GPD2: variants seen among roughly 807,000 people sequenced by gnomAD.
GPD2 encodes glycerol-3-phosphate dehydrogenase, mitochondrial.
In GPD2, 54 loss-of-function variants were observed where a neutral mutation model predicts 82.4. The observed-to-expected ratio is 0.66, with a 90% CI of 0.53 to 0.82. The LOEUF (loss-of-function observed/expected upper bound fraction) is 0.82, where lower values mean the gene tolerates loss of function less well. Ranked by LOEUF, GPD2 falls within the 40% of genes least tolerant of loss-of-function variation. The pLI, the probability that GPD2 is intolerant of heterozygous loss-of-function variation, is 0.00. For missense variants in GPD2, 748 were observed against 896.2 expected, an observed-to-expected ratio of 0.83 and a Z score of 2.11; for synonymous variants, 288 against 306.1, an observed-to-expected ratio of 0.94 and a Z score of 0.62.
At chr2:156,409,475 C>T in the GPD2 span, among the ~76,000 whole-genome samples, 3 of 152,070 alleles carry the variant, frequency 2.0e-5, no homozygotes, top group Non-Finnish European at 4.4e-5. Context: ...GTGGGAGGAT[C>T]TTTCAGGGCC....
chr2:156,526,668 C>T (rs1685621095), intron 6 of GPD2, among the ~76,000 whole-genome samples: 1 of 151,874 alleles, frequency 6.6e-6, no homozygotes, highest in Admixed American at 6.6e-5. Flanking sequence ...GAACACATGC[C>T]CAAGAAATGT....
chr2:156,569,578 T>A, intron 11 of GPD2, 40 bp downstream of exon 11: 1 of 1,463,024 alleles, frequency 6.8e-7, no homozygotes, highest in Non-Finnish European at 9.6e-7. Context: ...CTTTACCTAA[T>A]CTCTCACTGC....
chr2:156,551,848 A>G (rs1295219916), intron 8 of GPD2, among the ~76,000 whole-genome samples: 2 of 152,200 alleles, frequency 1.3e-5, no homozygotes, highest in Non-Finnish European at 2.9e-5. Context: ...AATATGTTAA[A>G]TGTGAATGGT....
At chr2:156,420,905 T>C in the GPD2 span, among the ~76,000 whole-genome samples, 1 of 152,186 alleles carries the variant, frequency 6.6e-6, no homozygotes, top group African/African-American at 2.4e-5. Flanking sequence ...GAAGCCCAAA[T>C]AATGCTCCAA....
intron 16 of GPD2, 148 bp downstream of exon 16, chr2:156,579,936 A>G (rs1057278611): frequency 4.3e-6 from 3 of 690,228 alleles, no homozygotes; most frequent in Non-Finnish European, 5.4e-6. Context: ...GCAGAGGTTG[A>G]TATGTCTGCC....
chr2:156,415,981 A>C, the GPD2 span, among the ~76,000 whole-genome samples: 1 of 98,372 alleles, frequency 1.0e-5, no homozygotes, highest in Non-Finnish European at 2.6e-5. Context: ...AGATCCCGCC[A>C]CTGCACTCCA....
chr2:156,538,845 G>T (rs941948849), intron 6 of GPD2, among the ~76,000 whole-genome samples: 1 of 148,828 alleles, frequency 6.7e-6, no homozygotes, highest in Non-Finnish European at 1.5e-5. Context: ...AAAAGATCAG[G>T]ATTTTGCCTA....
rs1330252776 is a variant in GPD2, at chr2:156,564,619, G to A, written c.1166-4206G>A. Reference sequence around the variant, plus strand: ...TCTTAATACTTCAGTGGCAAATAGAGTTTTGAATCATCCATAAAAACCATT... The same window carrying A: ...TCTTAATACTTCAGTGGCAAATAGAATTTTGAATCATCCATAAAAACCATT... On this transcript the variant is annotated intron_variant, in intron 9 of 16. Coordinates refer to ENST00000438166, the MANE Select transcript of GPD2 (RefSeq NM_000408.5). Among the ~76,000 whole-genome samples the A allele has an allele frequency of 5.3e-5, 8 of 152,046 alleles. No individual in the cohort carries two copies. The South Asian group carries it at 1.7e-3, about 31-fold the overall frequency.
intron 6 of GPD2, among the ~76,000 whole-genome samples, chr2:156,545,953 T>C (rs1263014906): frequency 6.6e-6 from 1 of 152,240 alleles, no homozygotes; most frequent in East Asian, 1.9e-4. Context: ...TATTCTGCTC[T>C]GTGCAAGGTC....
At chr2:156,578,408 A>G (rs1473781162) in intron 13 of GPD2, among the ~76,000 whole-genome samples, 2 of 151,796 alleles carry the variant, frequency 1.3e-5, no homozygotes, top group East Asian at 3.9e-4. Flanking sequence ...CAAGAATTTG[A>G]TCCTGTAGAT....
intron 3 of GPD2, among the ~76,000 whole-genome samples, chr2:156,496,606 A>G (rs1684388261): frequency 6.6e-6 from 1 of 152,178 alleles, no homozygotes; most frequent in Non-Finnish European, 1.5e-5. Context: ...AAATATAGGC[A>G]CTGCACAACT....
At chr2:156,490,828 C>T (rs1684147583) in intron 2 of GPD2, among the ~76,000 whole-genome samples, 1 of 152,096 alleles carries the variant, frequency 6.6e-6, no homozygotes. Context: ...AAAAGCAAAA[C>T]CCTTAAAATA....
intron 1 of GPD2, among the ~76,000 whole-genome samples, chr2:156,468,693 T>G (rs1683225577): frequency 6.6e-6 from 1 of 152,232 alleles, no homozygotes. Context: ...TTTTAATTTC[T>G]TTTTTCTTTT....
At position 156,439,515 on chromosome 2, in the gene GPD2, AAAAAAAAAAAAAAAAAAAAAAAAAC is replaced by A. The variant is rs1428450510; in HGVS notation, c.-9+3016_-9+3040del. ...GAGAATTGCTTGAGACTGTCTCAGA[AAAAAAAAAAAAAAAAAAAAAAAAAC>A]AAAAAAAAAAAAACAAGCCAGGCAG... On this transcript the variant is annotated intron_variant, in intron 1 of 16. Coordinates refer to ENST00000438166, the MANE Select transcript of GPD2 (RefSeq NM_000408.5). 1.8e-4 allele frequency among the ~76,000 whole-genome samples: 7 copies of A among 38,850 alleles called. No individual in the cohort carries two copies. The South Asian group carries it at 2.5e-3, about 14-fold the overall frequency. The allele number at this position is 38,850 out of a possible 152,430, so 25.5% of individuals were successfully genotyped here.
intron 6 of GPD2, among the ~76,000 whole-genome samples, chr2:156,532,698 G>A (rs1685913444): frequency 6.6e-6 from 1 of 152,172 alleles, no homozygotes; most frequent in Non-Finnish European, 1.5e-5. Context: ...CCCAGAAACT[G>A]GATGAAACCA....
At chr2:156,461,947 T>G (rs902791265) in intron 1 of GPD2, among the ~76,000 whole-genome samples, 14 of 152,338 alleles carry the variant, frequency 9.2e-5, no homozygotes, top group African/African-American at 3.4e-4. Flanking sequence ...TTCCTGAGTA[T>G]TTGATGGAAC....
At chr2:156,431,767 G>A (rs1444757208), upstream of GPD2, among the ~76,000 whole-genome samples, 2 of 151,354 alleles carry the variant, frequency 1.3e-5, no homozygotes, top group Non-Finnish European at 2.9e-5. Flanking sequence ...GCTTTAAAGT[G>A]TTATGTATTA....
At chr2:156,517,629 T>C (rs1273842604) in intron 6 of GPD2, among the ~76,000 whole-genome samples, 1 of 152,238 alleles carries the variant, frequency 6.6e-6, no homozygotes, top group Non-Finnish European at 1.5e-5. Flanking sequence ...GTAGAGAGTA[T>C]GGTGACCAGG....
intron 2 of GPD2, among the ~76,000 whole-genome samples, chr2:156,490,856 G>A (rs1422819386): frequency 1.3e-5 from 2 of 152,158 alleles, no homozygotes; most frequent in Non-Finnish European, 2.9e-5. Flanking sequence ...GCACATAAAT[G>A]CTCTTTACAT....
Sources: allele counts gnomAD v4.1 joint callset (sites outside exome capture counted in the v4.1 genomes callset), GRCh38; gene constraint gnomAD v4.1.1; transcripts MANE v1.5; gene names NCBI Gene and HGNC (gene_info 2026-07-23, HGNC 2026-07-21).